The following FARP1 variants were observed in gnomAD, a reference collection of about 807,000 sequenced individuals.
The protein encoded by FARP1 is FERM, ARHGEF and pleckstrin domain-containing protein 1.
A neutral mutation model predicts 128.8 loss-of-function variants in FARP1; 52 were observed. That is an observed-to-expected ratio of 0.40 (90% CI 0.32 to 0.51). The LOEUF (loss-of-function observed/expected upper bound fraction) is 0.51, where lower values mean the gene tolerates loss of function less well. FARP1 is among the 20% of genes least tolerant of loss of function. The pLI, the probability that FARP1 is intolerant of heterozygous loss-of-function variation, is 0.45. For synonymous variants in FARP1, 580 were observed against 551.8 expected (o/e 1.05, Z -0.72); for missense variants, 1,333 against 1,367.9 (o/e 0.97, Z 0.40).
intron 2 of FARP1, among the ~76,000 whole-genome samples, chr13:98,316,883 A>G (rs1183327265): frequency 6.6e-6 from 1 of 152,212 alleles, no homozygotes; most frequent in Non-Finnish European, 1.5e-5. Flanking sequence ...AACCAGTTGG[A>G]AAGCAAATAG....
chr13:98,437,179 T>G (rs1892304511), intron 19 of FARP1, among the ~76,000 whole-genome samples: 1 of 152,248 alleles, frequency 6.6e-6, no homozygotes, highest in Admixed American at 6.5e-5. Flanking sequence ...TGGCATTAAC[T>G]ACATTGCAGA....
intron 2 of FARP1, among the ~76,000 whole-genome samples, chr13:98,322,668 G>A (rs933869527): frequency 7.9e-5 from 12 of 152,188 alleles, no homozygotes; most frequent in Admixed American, 2.0e-4. Context: ...TAGGAAGAAG[G>A]CACTGAGTAG....
intron 8 of FARP1, among the ~76,000 whole-genome samples, chr13:98,386,284 A>G (rs544928015): frequency 6.8e-6 from 1 of 147,552 alleles, no homozygotes; most frequent in East Asian, 2.0e-4. Context: ...GCACACTTTT[A>G]AGATACAGCA....
At chr13:98,302,088 A>G (rs56102011) in intron 2 of FARP1, among the ~76,000 whole-genome samples, 4,930 of 152,276 alleles carry the variant, frequency 0.032, 107 homozygotes, top group Middle Eastern at 0.048. Flanking sequence ...TAGAAGTAGG[A>G]AGCAAAAAGG....
intron 1 of FARP1, among the ~76,000 whole-genome samples, chr13:98,190,369 C>T (rs562717392): frequency 1.5e-4 from 23 of 152,268 alleles, no homozygotes; most frequent in Admixed American, 1.3e-4. Context: ...TCTAGAGATA[C>T]ATTCATTATA....
intron 17 of FARP1, among the ~76,000 whole-genome samples, chr13:98,428,693 G>A (rs778478917): frequency 2.6e-5 from 4 of 152,154 alleles, no homozygotes; most frequent in Non-Finnish European, 4.4e-5. Flanking sequence ...TCCGGCCACC[G>A]TCAACTCATG....
chr13:98,273,999 G>A (rs1884512189), intron 2 of FARP1, among the ~76,000 whole-genome samples: 1 of 152,228 alleles, frequency 6.6e-6, no homozygotes, highest in Admixed American at 6.5e-5. Flanking sequence ...CCTGGGTAGG[G>A]AGGAAGAAAT....
intron 6 of FARP1, among the ~76,000 whole-genome samples, chr13:98,379,461 G>A (rs1440938742): frequency 2.0e-5 from 3 of 151,482 alleles, no homozygotes; most frequent in Admixed American, 6.6e-5. Context: ...CTGTTCGTTG[G>A]TTGGTGACCC....
At chr13:98,379,008 ATATAATC>A (rs1470976315) in intron 6 of FARP1, among the ~76,000 whole-genome samples, 20 of 95,002 alleles carry the variant, frequency 2.1e-4, no homozygotes, top group African/African-American at 1.0e-3. Flanking sequence ...TATATACAAT[ATATAATC>A]TATATATAAT....
chr13:98,152,045 G>C (rs1314143585), intron 1 of FARP1, among the ~76,000 whole-genome samples: 1 of 152,176 alleles, frequency 6.6e-6, no homozygotes, highest in African/African-American at 2.4e-5. Context: ...ACATGTATCT[G>C]CAAGTGGCAG....
intron 2 of FARP1, among the ~76,000 whole-genome samples, chr13:98,237,529 G>T (rs1882496376): frequency 6.6e-6 from 1 of 152,172 alleles, no homozygotes; most frequent in Admixed American, 6.5e-5. Context: ...TGCTTCAAAT[G>T]TGGATCATCT....
intron 3 of FARP1, among the ~76,000 whole-genome samples, chr13:98,354,136 C>T (rs2139921512): frequency 6.6e-6 from 1 of 152,330 alleles, no homozygotes; most frequent in Middle Eastern, 3.4e-3. Context: ...CTTCCCTTCA[C>T]ATATATCTCT....
At chr13:98,378,861 G>A (rs1889703057) in intron 6 of FARP1, among the ~76,000 whole-genome samples, 1 of 135,700 alleles carries the variant, frequency 7.4e-6, no homozygotes, top group African/African-American at 2.8e-5. Flanking sequence ...AAAAAAATAG[G>A]TATCTTTATT....
chr13:98,189,946 T>A (rs1487768406), intron 1 of FARP1, among the ~76,000 whole-genome samples: 3 of 152,244 alleles, frequency 2.0e-5, no homozygotes, highest in Non-Finnish European at 4.4e-5. Context: ...TTCATGCAAG[T>A]TCTCTGTCTT....
At chr13:98,337,538 CGTGT>C (rs60625244) in intron 2 of FARP1, among the ~76,000 whole-genome samples, 16,135 of 131,916 alleles carry the variant, frequency 0.12, 968 homozygotes, top group East Asian at 0.19. Context: ...TCTGTGTAGC[CGTGT>C]GTGTGTGTGT....
At chr13:98,179,296 A>G (rs1413936613) in intron 1 of FARP1, among the ~76,000 whole-genome samples, 1 of 152,196 alleles carries the variant, frequency 6.6e-6, no homozygotes, top group Non-Finnish European at 1.5e-5. Flanking sequence ...TACCACAAGA[A>G]CAGTATGGGG....
chr13:98,268,372 G>C (rs1884227886), intron 2 of FARP1, among the ~76,000 whole-genome samples: 1 of 152,140 alleles, frequency 6.6e-6, no homozygotes, highest in African/African-American at 2.4e-5. Context: ...TGAAGATAAG[G>C]CCATGGGGTT....
chr13:98,198,482 G>T (rs1436613401), intron 1 of FARP1, among the ~76,000 whole-genome samples: 4 of 152,048 alleles, frequency 2.6e-5, no homozygotes, highest in Non-Finnish European at 5.9e-5. Context: ...CTGTAATCCC[G>T]GTACTTTGGG....
intron 2 of FARP1, chr13:98,329,265 T>C (rs1887379066): frequency 6.6e-6 from 1 of 152,250 alleles, no homozygotes; most frequent in Admixed American, 6.5e-5. Context: ...ATTTTCTCTG[T>C]TTCTTTTAAG....
Sources: allele counts gnomAD v4.1 joint callset (sites outside exome capture counted in the v4.1 genomes callset), GRCh38; gene constraint gnomAD v4.1.1; transcripts MANE v1.5; gene names NCBI Gene and HGNC (gene_info 2026-07-23, HGNC 2026-07-21).